KHDRBS3: variants seen among roughly 807,000 people sequenced by gnomAD.
The protein encoded by KHDRBS3 is KH domain-containing, RNA-binding, signal transduction-associated protein 3.
Under a neutral mutation model 45.6 loss-of-function variants are expected in KHDRBS3, and 23 were observed. The ratio of observed to expected loss-of-function variants is 0.50; its 90% confidence interval spans 0.36 to 0.72. The LOEUF (loss-of-function observed/expected upper bound fraction) is 0.72, where lower values mean the gene tolerates loss of function less well. Ranked by LOEUF, KHDRBS3 falls within the 30% of genes least tolerant of loss-of-function variation. The pLI is 0.00. For missense variants in KHDRBS3, 352 were observed against 424.8 expected (o/e 0.83, Z 1.51); for synonymous variants, 162 against 156.5 (o/e 1.04, Z -0.26).
chr8:135,582,053 C>A lies in KHDRBS3; in HGVS notation c.787C>A (p.Gln263Lys). The A allele has an allele frequency of 6.3e-7, 1 of 1,579,252 alleles. No homozygotes were observed. The highest frequency in any genetic ancestry group is 1.8e-5 in the Admixed American group (1 of 56,660). Residue 263 changes from glutamine (Q) to lysine (K), a missense_variant, in exon 6 of 9, where the codon CAA (glutamine) becomes AAA (lysine). This residue lies in a region of KHDRBS3 where 212 missense variants were observed against 209.6 expected (regional missense o/e 1.01). Coordinates refer to ENST00000355849, the MANE Select transcript of KHDRBS3 (RefSeq NM_006558.3). ...CAGACCTCCACCGCCACCCCCGACACAAGAGACTTATGGAGAATATGTAAG... is the reference window on the plus strand; with the variant it reads ...CAGACCTCCACCGCCACCCCCGACAAAAGAGACTTATGGAGAATATGTAAG... ...GYRPPPPPPT[Q>K]ETYGEYDYDD...
chr8:135,501,408 G>A (rs188680022), intron 1 of KHDRBS3, among the ~76,000 whole-genome samples: 157 of 152,206 alleles, frequency 1.0e-3, no homozygotes, highest in African/African-American at 2.5e-3. Context: ...TTCTTTTAGC[G>A]TATTGTTTCT....
chr8:135,509,436 G>A (rs566630131), intron 1 of KHDRBS3, among the ~76,000 whole-genome samples: 19 of 152,308 alleles, frequency 1.2e-4, no homozygotes, highest in African/African-American at 4.3e-4. Flanking sequence ...CTCCAGTATA[G>A]AGTCTAGAAT....
chr8:135,646,758 A>G (rs1383763781), intron 8 of KHDRBS3, among the ~76,000 whole-genome samples: 2 of 152,236 alleles, frequency 1.3e-5, no homozygotes, highest in Non-Finnish European at 2.9e-5. Flanking sequence ...CATTTCAGAT[A>G]CAAGAACCGT....
intron 2 of KHDRBS3, among the ~76,000 whole-genome samples, chr8:135,536,021 G>C (rs555628210): frequency 5.3e-5 from 8 of 152,158 alleles, no homozygotes; most frequent in African/African-American, 1.9e-4. Flanking sequence ...TGAGTGCCTG[G>C]GGGTAGGAGG....
At chr8:135,641,470 A>G (rs545069003) in intron 7 of KHDRBS3, among the ~76,000 whole-genome samples, 6 of 152,352 alleles carry the variant, frequency 3.9e-5, no homozygotes, top group Admixed American at 1.3e-4. Flanking sequence ...AGGAGCCATT[A>G]TGATGTAACT....
rs185902803 is a variant in KHDRBS3, at chr8:135,460,962, C to G, written c.88+3008C>G. Reference sequence around the variant, plus strand: ...CTAGGATGACAATAAGAGATATACTCCTGTCTGGTATACATTGGCTTTTAT... The same window carrying G: ...CTAGGATGACAATAAGAGATATACTGCTGTCTGGTATACATTGGCTTTTAT... On this transcript the variant is annotated intron_variant, in intron 1 of 8. Coordinates refer to ENST00000355849, the MANE Select transcript of KHDRBS3 (RefSeq NM_006558.3). 3.9e-3 allele frequency among the ~76,000 whole-genome samples: 588 copies of G among 152,316 alleles called. 7 individuals carry two copies. The highest frequency in any genetic ancestry group is 0.013 in the African/African-American group (540 of 41,554).
At chr8:135,591,478 G>A (rs961277080) in intron 6 of KHDRBS3, among the ~76,000 whole-genome samples, 32 of 152,170 alleles carry the variant, frequency 2.1e-4, no homozygotes, top group African/African-American at 7.2e-4. Context: ...GTACGAGCAG[G>A]CCTCCCTTGT....
intron 1 of KHDRBS3, among the ~76,000 whole-genome samples, chr8:135,485,574 C>T (rs1276936724): frequency 6.6e-6 from 1 of 152,046 alleles, no homozygotes; most frequent in Non-Finnish European, 1.5e-5. Context: ...CCCGTGTTCT[C>T]ATCTAAGTTC....
chr8:135,508,769 G>C (rs1293335429), intron 1 of KHDRBS3, among the ~76,000 whole-genome samples: 1 of 152,134 alleles, frequency 6.6e-6, no homozygotes, highest in African/African-American at 2.4e-5. Context: ...GTTATATTAA[G>C]AATAATCCTC....
At position 135,521,815 on chromosome 8, in the gene KHDRBS3, T is replaced by C. The variant is rs28483153; in HGVS notation, c.207+460T>C. ...TGTATTAGTAGTTCATTTCTTTTTA[T>C]TGATGAATAATAATCTGTTACCTGA... On this transcript the variant is annotated intron_variant, in intron 2 of 8. Transcript: ENST00000355849. 5.7e-3 allele frequency among the ~76,000 whole-genome samples: 875 copies of C among 152,352 alleles called. 3 individuals carry two copies. Among genetic ancestry groups the C allele is most frequent in the Middle Eastern group, 0.024 (7 of 294 alleles).
intron 6 of KHDRBS3, among the ~76,000 whole-genome samples, chr8:135,584,689 A>G (rs1586758776): frequency 1.3e-5 from 2 of 152,224 alleles, no homozygotes; most frequent in Admixed American, 1.3e-4. Flanking sequence ...AAAGCCCTTC[A>G]GCTTGCTTAC....
intron 1 of KHDRBS3, among the ~76,000 whole-genome samples, chr8:135,485,842 T>TTATTTATATATATATATATATA (rs1554615384): frequency 8.3e-6 from 1 of 120,346 alleles, no homozygotes; most frequent in Non-Finnish European, 1.6e-5. Context: ...CATTTCAAGT[T>TTATTTATATATATATATATATA]TATATATATA....
chr8:135,468,379 A>C (rs1821805821), intron 1 of KHDRBS3, among the ~76,000 whole-genome samples: 1 of 152,186 alleles, frequency 6.6e-6, no homozygotes, highest in African/African-American at 2.4e-5. Flanking sequence ...GGGTGCTGGT[A>C]GTCATTGCTT....
At chr8:135,515,365 TAAAAAAAAAAAAAA>T (rs59502823) in intron 1 of KHDRBS3, among the ~76,000 whole-genome samples, 13,683 of 39,770 alleles carry the variant, frequency 0.34, 1,867 homozygotes, top group East Asian at 0.52. Context: ...GACTCCGTCT[TAAAAAAAAAAAAAA>T]AAAAAAAAAA....
At chr8:135,622,627 C>G (rs576877884) in intron 7 of KHDRBS3, among the ~76,000 whole-genome samples, 4 of 152,132 alleles carry the variant, frequency 2.6e-5, no homozygotes, top group Admixed American at 2.6e-4. Context: ...TATCAGAAAT[C>G]TCCTCAAAAA....
At chr8:135,520,046 A>G (rs1055331629) in intron 1 of KHDRBS3, among the ~76,000 whole-genome samples, 1 of 152,230 alleles carries the variant, frequency 6.6e-6, no homozygotes, top group Admixed American at 6.5e-5. Flanking sequence ...CTGAGGGTAA[A>G]TCTTAACCTT....
chr8:135,612,399 C>T (rs945885995), intron 7 of KHDRBS3, among the ~76,000 whole-genome samples: 7 of 151,820 alleles, frequency 4.6e-5, no homozygotes, highest in Non-Finnish European at 1.0e-4. Flanking sequence ...ATATTACAGT[C>T]GTAGGCTTAG....
chr8:135,570,689 C>T (rs893983065), intron 5 of KHDRBS3, among the ~76,000 whole-genome samples: 2 of 152,172 alleles, frequency 1.3e-5, no homozygotes. Flanking sequence ...TTCCTTCCAA[C>T]TCTGTGCCTA....
At chr8:135,639,621 A>T (rs1380623518) in intron 7 of KHDRBS3, among the ~76,000 whole-genome samples, 1 of 152,194 alleles carries the variant, frequency 6.6e-6, no homozygotes, top group East Asian at 1.9e-4. Flanking sequence ...ATTGCCGTAA[A>T]GAAGTACCTG....
Sources: gnomAD v4.1 joint callset for allele counts (sites outside exome capture counted in the v4.1 genomes callset) on GRCh38, gnomAD v4.1.1 for gene constraint, gnomAD v4.1.1 regional missense constraint, MANE v1.5 for transcripts, NCBI Gene and HGNC (gene_info 2026-07-23, HGNC 2026-07-21) for gene names.